The following ADGRB3 variants were observed in gnomAD, a reference collection of about 807,000 sequenced individuals.
The protein encoded by ADGRB3 is adhesion G protein-coupled receptor B3.
ADGRB3 carries 37 observed loss-of-function variants against 193.4 expected under a neutral mutation model. The ratio of observed to expected loss-of-function variants is 0.19; its 90% CI spans 0.15 to 0.25. ADGRB3 has a LOEUF of 0.25. Among genes scored for constraint, ADGRB3 ranks in the 10% least tolerant of loss-of-function variants. ADGRB3 has a pLI of 1.00. For synonymous variants in ADGRB3, 690 were observed against 644.2 expected (o/e 1.07, Z -1.08); for missense variants, 1,637 against 1,852.9 (o/e 0.88, Z 2.14).
chr6:68,667,935 C>T (rs1016115446), intron 3 of ADGRB3, among the ~76,000 whole-genome samples: 1 of 151,824 alleles, frequency 6.6e-6, no homozygotes, highest in Non-Finnish European at 1.5e-5. Flanking sequence ...ACACCAGCCT[C>T]GGACCTACAT....
intron 3 of ADGRB3, among the ~76,000 whole-genome samples, chr6:68,837,500 A>T (rs1768068288): frequency 6.6e-6 from 1 of 152,212 alleles, no homozygotes; most frequent in Non-Finnish European, 1.5e-5. Flanking sequence ...ATGATATAAC[A>T]TAGATAAATG....
intron 17 of ADGRB3, among the ~76,000 whole-genome samples, chr6:69,098,512 G>A (rs988392515): frequency 1.3e-5 from 2 of 152,284 alleles, no homozygotes; most frequent in African/African-American, 4.8e-5. Flanking sequence ...TTGACAGTAT[G>A]CATGAATGGG....
At chr6:68,964,718 A>G (rs1768328661) in intron 8 of ADGRB3, among the ~76,000 whole-genome samples, 1 of 152,200 alleles carries the variant, frequency 6.6e-6, no homozygotes, top group South Asian at 2.1e-4. Flanking sequence ...TAAATATAAA[A>G]TTATGCAATA....
chr6:69,190,426 A>T (rs567857645), intron 17 of ADGRB3, among the ~76,000 whole-genome samples: 1 of 151,994 alleles, frequency 6.6e-6, no homozygotes, highest in African/African-American at 2.4e-5. Context: ...CTTATAGAAT[A>T]GAGATATAAA....
intron 17 of ADGRB3, among the ~76,000 whole-genome samples, chr6:69,085,221 C>T (rs1257571784): frequency 3.3e-5 from 5 of 151,982 alleles, no homozygotes; most frequent in African/African-American, 4.8e-5. Context: ...TCATTGAAGT[C>T]GGTTTTGAAA....
At chr6:68,741,400 C>T (rs1180892073) in intron 3 of ADGRB3, among the ~76,000 whole-genome samples, 1 of 151,938 alleles carries the variant, frequency 6.6e-6, no homozygotes, top group South Asian at 2.1e-4. Context: ...ATTTTTGAGA[C>T]AGGGCCTGGC....
intron 17 of ADGRB3, among the ~76,000 whole-genome samples, chr6:69,135,088 T>A (rs1319743137): frequency 6.6e-6 from 1 of 152,030 alleles, no homozygotes; most frequent in Admixed American, 6.6e-5. Flanking sequence ...GGGACCCTGA[T>A]GTACTCTATA....
At chr6:69,261,647 G>T (rs1766931669) in intron 20 of ADGRB3, among the ~76,000 whole-genome samples, 1 of 151,904 alleles carries the variant, frequency 6.6e-6, no homozygotes, top group African/African-American at 2.4e-5. Context: ...TCTTGGGATA[G>T]AATTATCTTC....
chr6:69,265,589 A>G (rs547847831), intron 20 of ADGRB3, among the ~76,000 whole-genome samples: 1 of 152,130 alleles, frequency 6.6e-6, no homozygotes, highest in South Asian at 2.1e-4. Context: ...GAAAGTTACC[A>G]AATTACGTGT....
intron 3 of ADGRB3, among the ~76,000 whole-genome samples, chr6:68,732,158 T>G (rs1765787280): frequency 6.6e-6 from 1 of 151,856 alleles, no homozygotes; most frequent in African/African-American, 2.4e-5. Context: ...CTTAAAAATA[T>G]TTTAAATATT....
At chr6:68,766,413 C>T (rs1459886460) in intron 3 of ADGRB3, among the ~76,000 whole-genome samples, 2 of 151,760 alleles carry the variant, frequency 1.3e-5, no homozygotes, top group Admixed American at 6.6e-5. Flanking sequence ...GAGGTTATGT[C>T]GGTTTATACA....
chr6:68,924,448 AT>A (rs1767124791), intron 3 of ADGRB3, among the ~76,000 whole-genome samples: 1 of 152,038 alleles, frequency 6.6e-6, no homozygotes, highest in Non-Finnish European at 1.5e-5. Context: ...TTATTTCATC[AT>A]TTTTACTTGG....
intron 29 of ADGRB3, among the ~76,000 whole-genome samples, chr6:69,370,560 T>C (rs964932477): frequency 1.3e-5 from 2 of 152,154 alleles, no homozygotes; most frequent in Non-Finnish European, 2.9e-5. Context: ...GAGATCTACT[T>C]GTATGAGTGT....
At chr6:69,186,478 A>G (rs989306846) in intron 17 of ADGRB3, among the ~76,000 whole-genome samples, 3 of 152,026 alleles carry the variant, frequency 2.0e-5, no homozygotes, top group African/African-American at 4.8e-5. Flanking sequence ...CAAGTATAGA[A>G]CGAGAATACA....
At chr6:69,056,032 T>C (rs911849834) in intron 15 of ADGRB3, among the ~76,000 whole-genome samples, 3 of 152,022 alleles carry the variant, frequency 2.0e-5, no homozygotes, top group Non-Finnish European at 2.9e-5. Flanking sequence ...GATTTCCCCA[T>C]GTTGGCCAGG....
In ADGRB3 at chr6:68,840,369, C is replaced by CTTTTTTTTTTTTTTTTT. The variant is rs752625602; in HGVS notation, c.758-90167_758-90151dup. ...GCAGTGGAGTAAGGCACTGGGCAGT[C>CTTTTTTTTTTTTTTTTT]TTTTTTTTTTTTTTTTTTTTTTTTT... On this transcript the variant is annotated intron_variant, in intron 3 of 31. Coordinates refer to ENST00000370598, the MANE Select transcript of ADGRB3 (RefSeq NM_001704.3). Among the ~76,000 whole-genome samples, 9 of 69,430 alleles carry CTTTTTTTTTTTTTTTTT rather than the reference C, an allele frequency of 1.3e-4. 1 individual carries two copies. The highest frequency in any genetic ancestry group is 3.7e-4 in the African/African-American group (5 of 13,418). The allele number at this position is 69,430 out of a possible 152,430, so 45.5% of individuals were successfully genotyped here.
intron 3 of ADGRB3, among the ~76,000 whole-genome samples, chr6:68,804,928 A>G (rs1346368603): frequency 6.6e-6 from 1 of 150,676 alleles, no homozygotes; most frequent in Non-Finnish European, 1.5e-5. Context: ...TTGTATTTTT[A>G]TTTATTTATT....
intron 3 of ADGRB3, among the ~76,000 whole-genome samples, chr6:68,676,389 CAAAAAAAAAAA>C (rs70987431): frequency 3.5e-5 from 3 of 84,638 alleles, no homozygotes; most frequent in Admixed American, 1.3e-4. Context: ...GACTCTGTCT[CAAAAAAAAAAA>C]AAAAAAAAAA....
intron 3 of ADGRB3, among the ~76,000 whole-genome samples, chr6:68,807,240 T>C (rs190176396): frequency 1.6e-4 from 20 of 126,852 alleles, no homozygotes; most frequent in African/African-American, 5.1e-4. Context: ...TTTTTCTTTT[T>C]TTTTTTTTTT....
Sources: gnomAD v4.1 joint callset for allele counts (sites outside exome capture counted in the v4.1 genomes callset) on GRCh38, gnomAD v4.1.1 for gene constraint, MANE v1.5 for transcripts, NCBI Gene and HGNC (gene_info 2026-07-23, HGNC 2026-07-21) for gene names.